Variants in IQSEC1 observed in about 807,000 individuals in gnomAD.
The protein encoded by IQSEC1 is IQ motif and SEC7 domain-containing protein 1.
In IQSEC1, 31 loss-of-function variants were observed where a neutral mutation model predicts 91.0. The ratio of observed to expected loss-of-function variants is 0.34; its 90% CI spans 0.26 to 0.46. The LOEUF is 0.46. Ranked by LOEUF, IQSEC1 falls within the 20% of genes least tolerant of loss-of-function variation. The pLI is 1.00. For synonymous variants in IQSEC1, 699 were observed against 662.6 expected (o/e 1.05, Z -0.84); for missense variants, 1,388 against 1,575.6 (o/e 0.88, Z 2.02).
chr3:13,053,381 T>TC (rs2125068796), intron 1 of IQSEC1, among the ~76,000 whole-genome samples: 1 of 152,304 alleles, frequency 6.6e-6, no homozygotes, highest in African/African-American at 2.4e-5. Flanking sequence ...AAGAACCCAT[T>TC]CGCTGCTGTA....
chr3:13,202,694 G>T (rs1014369099), intron 1 of IQSEC1, among the ~76,000 whole-genome samples: 8 of 152,248 alleles, frequency 5.3e-5, no homozygotes, highest in African/African-American at 1.9e-4. Context: ...AAAAGTTCTG[G>T]AGATAGATGA....
rs370534423 is a variant in IQSEC1, at chr3:13,026,864, G to GCTTTTTTTTTTTTTTT, written c.23+46127_23+46128insAAAAAAAAAAAAAAAG. Among the ~76,000 whole-genome samples the GCTTTTTTTTTTTTTTT allele has an allele frequency of 3.3e-5, 3 of 90,864 alleles. 1 individual carries two copies. The highest frequency in any genetic ancestry group is 4.9e-5 in the Non-Finnish European group (2 of 40,730). 59.6% of individuals were successfully genotyped at this position (90,864 alleles called of 152,430 possible). On this transcript the variant is annotated intron_variant, in intron 1 of 13. Coordinates refer to ENST00000613206, the MANE Select transcript of IQSEC1 (RefSeq NM_001134382.3). Reference sequence around the variant, plus strand: ...TGAAGTAGCAGTTATTATCTCCCCAGTTTTTTTTTTTTTTGTTTGTTTTTT... The same window carrying GCTTTTTTTTTTTTTTT: ...TGAAGTAGCAGTTATTATCTCCCCAGCTTTTTTTTTTTTTTTTTTTTTTTTTTTTTGTTTGTTTTTT...
rs1025016038 is a variant in IQSEC1, at chr3:13,264,098, C to T, written c.272+18613G>A. Among the ~76,000 whole-genome samples, 3 of 152,180 alleles carry T rather than the reference C, an allele frequency of 2.0e-5. 1 individual carries two copies. The South Asian group carries it at 6.2e-4, about 31-fold the overall frequency. On this transcript the variant is annotated intron_variant, in intron 1 of 15. Transcript: ENST00000648114. The stretch of plus-strand genomic sequence containing the variant: ...AAGCTCCTGGCCTGGGCTTTTGAGC[C>T]GGACGGCGCCGGCCAGGCCACTGAC...
chr3:13,223,992 C>T (rs1465046943), intron 1 of IQSEC1, among the ~76,000 whole-genome samples: 1 of 152,044 alleles, frequency 6.6e-6, no homozygotes, highest in Non-Finnish European at 1.5e-5. Flanking sequence ...GGGTTGGGGC[C>T]GAGTCCTCCC....
chr3:13,034,233 C>T (rs867114311), intron 1 of IQSEC1, among the ~76,000 whole-genome samples: 1 of 152,164 alleles, frequency 6.6e-6, no homozygotes, highest in African/African-American at 2.4e-5. Context: ...AAGTGGAGCT[C>T]CTCAGGTTGC....
intron 1 of IQSEC1, among the ~76,000 whole-genome samples, chr3:12,957,531 G>A (rs1291890841): frequency 2.6e-5 from 4 of 152,210 alleles, no homozygotes; most frequent in Admixed American, 1.3e-4. Flanking sequence ...AGTTCTCTGT[G>A]GCAGGCTCCA....
intron 1 of IQSEC1, among the ~76,000 whole-genome samples, chr3:13,041,244 AC>A (rs1704255390): frequency 6.6e-6 from 1 of 152,008 alleles, no homozygotes; most frequent in African/African-American, 2.4e-5. Context: ...GAAAGGCTGC[AC>A]CACAGCGCTC....
chr3:12,909,197 C>T lies in IQSEC1; in HGVS notation c.2578+76G>A, dbSNP rs1165605974. The T allele has an allele frequency of 6.7e-7, 1 of 1,487,436 alleles. No homozygotes were observed. Among genetic ancestry groups the T allele is most frequent in the Non-Finnish European group, 9.3e-7 (1 of 1,079,682 alleles). The allele number at this position is 1,487,436 out of a possible 1,614,324, so 92.1% of individuals were successfully genotyped here. On this transcript the variant is annotated intron_variant, in intron 11 of 13. Coordinates refer to ENST00000613206, the MANE Select transcript of IQSEC1 (RefSeq NM_001134382.3). This position sits in a 1 kb window ranked among gnomAD's most constrained non-coding sequence, Gnocchi z 4.9. ...ATCTTGTCTCTGTGAGCTCAGAAGT[C>T]ACTGCCCTGACATGGGGAGGCAAGT...
At chr3:12,993,746 C>T (rs2125638003) in intron 1 of IQSEC1, among the ~76,000 whole-genome samples, 1 of 152,380 alleles carries the variant, frequency 6.6e-6, no homozygotes, top group African/African-American at 2.4e-5. Flanking sequence ...CAGAGCCCAG[C>T]TCAGAAAGAC....
rs866000876 is a variant in IQSEC1 at position 13,032,728 on chromosome 3, C to T, written c.23+40264G>A. 1.6e-3 allele frequency among the ~76,000 whole-genome samples: 246 copies of T among 152,200 alleles called. 1 individual carries two copies. Among genetic ancestry groups the T allele is most frequent in the South Asian group, 1.5e-3 (7 of 4,822 alleles). Reference sequence around the variant, plus strand: ...CCTCCCGAGTAGCTGGGACTACAGGCGCCCGCCACCACACCCAGCTAATTT... The same window carrying T: ...CCTCCCGAGTAGCTGGGACTACAGGTGCCCGCCACCACACCCAGCTAATTT... On this transcript the variant is annotated intron_variant, in intron 1 of 13. Transcript: ENST00000613206.
chr3:13,255,187 C>G (rs531471163), intron 1 of IQSEC1, among the ~76,000 whole-genome samples: 1 of 152,212 alleles, frequency 6.6e-6, no homozygotes, highest in Non-Finnish European at 1.5e-5. Flanking sequence ...GGCTGACCAC[C>G]CCCCAGCACC....
chr3:13,278,383 C>T (rs1047428030), intron 1 of IQSEC1, among the ~76,000 whole-genome samples: 7 of 152,228 alleles, frequency 4.6e-5, no homozygotes, highest in Non-Finnish European at 8.8e-5. Context: ...ACCGTGAGCC[C>T]TGCCTTGGTG....
At chr3:13,047,957 C>T (rs2125056733) in intron 1 of IQSEC1, among the ~76,000 whole-genome samples, 1 of 152,300 alleles carries the variant, frequency 6.6e-6, no homozygotes, top group Middle Eastern at 3.4e-3. Context: ...TGCCGGCAGC[C>T]CAGGGGCCCT....
chr3:13,148,854 G>T (rs1290492956), intron 2 of IQSEC1, among the ~76,000 whole-genome samples: 3 of 152,276 alleles, frequency 2.0e-5, no homozygotes, highest in African/African-American at 7.2e-5. Flanking sequence ...GGCTGAGAAT[G>T]CAGCCCTGGA....
chr3:13,217,164 A>G (rs184285446), intron 1 of IQSEC1, among the ~76,000 whole-genome samples: 3 of 152,318 alleles, frequency 2.0e-5, no homozygotes, highest in Admixed American at 6.5e-5. Flanking sequence ...TTACAATTCA[A>G]TGACTTTTGT....
intron 1 of IQSEC1, among the ~76,000 whole-genome samples, chr3:13,188,098 G>T (rs1693963818): frequency 6.6e-6 from 1 of 152,202 alleles, no homozygotes; most frequent in South Asian, 2.1e-4. Context: ...AGCCACGCCT[G>T]GCCTGTGCAT....
At chr3:13,210,890 A>C (rs1432001989) in intron 1 of IQSEC1, among the ~76,000 whole-genome samples, 2 of 152,250 alleles carry the variant, frequency 1.3e-5, no homozygotes, top group Non-Finnish European at 2.9e-5. Context: ...ACTGAAAGGA[A>C]CATGGCCAGT....
At chr3:13,148,803 ACGT>A (rs1354494135) in intron 2 of IQSEC1, among the ~76,000 whole-genome samples, 1 of 152,290 alleles carries the variant, frequency 6.6e-6, no homozygotes, top group Non-Finnish European at 1.5e-5. Context: ...AAATGAGGAC[ACGT>A]CAGGCTAGCC....
chr3:13,089,578 C>T (rs767189437), intron 2 of IQSEC1, among the ~76,000 whole-genome samples: 8 of 152,122 alleles, frequency 5.3e-5, no homozygotes, highest in Non-Finnish European at 1.2e-4. Context: ...GAATGAGACC[C>T]TGTCTCAAAA....
Sources: allele counts gnomAD v4.1 joint callset (sites outside exome capture counted in the v4.1 genomes callset), GRCh38; gene constraint gnomAD v4.1.1; non-coding constraint Gnocchi (gnomAD v3.1); transcripts MANE v1.5; gene names NCBI Gene and HGNC (gene_info 2026-07-23, HGNC 2026-07-21).